The following ADGRA3 variants were observed in gnomAD, a reference collection of about 807,000 sequenced individuals.
ADGRA3 encodes adhesion G protein-coupled receptor A3, also known as G-protein coupled receptor 125.
ADGRA3 carries 56 observed loss-of-function variants against 119.8 expected under a neutral mutation model. The observed-to-expected ratio is 0.47, with a 90% CI of 0.38 to 0.58. ADGRA3 has a LOEUF of 0.58. Ranked by LOEUF, ADGRA3 falls within the 20% of genes least tolerant of loss-of-function variation. The probability of loss-of-function intolerance (pLI) is 0.00; values close to 1 mark genes in which losing one functional copy is unlikely to be tolerated. For missense variants in ADGRA3, 1,516 were observed against 1,649.0 expected, an observed-to-expected ratio of 0.92 and a Z score of 1.40; for synonymous variants, 607 against 623.8, an observed-to-expected ratio of 0.97 and a Z score of 0.40.
At chr4:22,451,774 A>G (rs975187798) in intron 4 of ADGRA3, among the ~76,000 whole-genome samples, 1 of 152,034 alleles carries the variant, frequency 6.6e-6, no homozygotes, top group Non-Finnish European at 1.5e-5. Flanking sequence ...CGGCTAGAAC[A>G]GTGATCCACT....
At chr4:22,497,767 A>G (rs1442849837) in intron 1 of ADGRA3, among the ~76,000 whole-genome samples, 1 of 150,962 alleles carries the variant, frequency 6.6e-6, no homozygotes, top group African/African-American at 2.4e-5. Flanking sequence ...CTCAAAAAAA[A>G]AAAAAAAAAA....
Position 22,432,920 on chromosome 4 carries a change from T to C in ADGRA3, c.1443+2391A>G, listed in dbSNP as rs1476732769. On this transcript the variant is annotated intron_variant, in intron 10 of 18. Transcript: ENST00000334304. ...AGACATAATACAAAAATCAATTTAA[T>C]TAATTATTTCTCTATCTAAGCTAGG... is the stretch of plus-strand genomic sequence containing the variant. Among the ~76,000 whole-genome samples the C allele has an allele frequency of 2.0e-5, 3 of 152,180 alleles. No individual in the cohort carries two copies. In the East Asian group the frequency reaches 5.8e-4, roughly 29 times the overall value.
Position 22,423,647 on chromosome 4 carries a change from G to A in ADGRA3, c.1605+544C>T, listed in dbSNP as rs547146770. ...TTATTAATAAGTCATTATCCCAAGA[G>A]TGGGATTGACTGAAAATGCCAATAG... On this transcript the variant is annotated intron_variant, in intron 11 of 18. Transcript: ENST00000334304. Among the ~76,000 whole-genome samples the A allele has an allele frequency of 4.6e-5, 7 of 152,318 alleles. No individual in the cohort carries two copies. The East Asian group carries it at 7.7e-4, about 17-fold the overall frequency.
chr4:22,513,844 G>T (rs1245637135), intron 1 of ADGRA3, among the ~76,000 whole-genome samples: 1 of 25,700 alleles, frequency 3.9e-5, no homozygotes. Flanking sequence ...AAGCTTTCAG[G>T]CAAAAAAAAA....
intron 1 of ADGRA3, among the ~76,000 whole-genome samples, chr4:22,489,588 C>T (rs1156930319): frequency 6.6e-6 from 1 of 152,040 alleles, no homozygotes; most frequent in African/African-American, 2.4e-5. Flanking sequence ...AACTACAAGC[C>T]AGGGAAACTG....
intron 1 of ADGRA3, among the ~76,000 whole-genome samples, chr4:22,480,138 G>A (rs1464494611): frequency 6.6e-6 from 1 of 152,106 alleles, no homozygotes; most frequent in East Asian, 1.9e-4. Flanking sequence ...AGCACTTAAA[G>A]TATTTAAAAA....
intron 4 of ADGRA3, among the ~76,000 whole-genome samples, chr4:22,448,578 G>A (rs992793102): frequency 6.6e-6 from 1 of 152,128 alleles, no homozygotes; most frequent in Non-Finnish European, 1.5e-5. Context: ...AGTGACCATT[G>A]GGCAGATGCA....
At chr4:22,491,827 G>C (rs557950620) in intron 1 of ADGRA3, among the ~76,000 whole-genome samples, 1 of 152,156 alleles carries the variant, frequency 6.6e-6, no homozygotes, top group Non-Finnish European at 1.5e-5. Flanking sequence ...CTTAAACAAA[G>C]TCTTCCTTAC....
At position 22,515,685 on chromosome 4, in the gene ADGRA3, C is replaced by T; in HGVS notation, c.100G>A (p.Gly34Ser). The stretch of plus-strand genomic sequence containing the variant: ...CCGGCGGGCAGCGCCGCGGCGCCGC[C>T]GCCGCCGCCGCCTCCCAGCAGCGCG... ...LLALLGGGGG[G>S]GAAALPAGCK... The change falls in exon 1 of 19, where the codon GGC becomes AGC. Residue 34 changes from glycine (G) to serine (S), a missense_variant. By Grantham distance (56) the Gly-to-Ser change is moderately conservative (BLOSUM62 0). This residue lies in a region of ADGRA3 where 428 missense variants were observed against 541.9 expected (regional missense o/e 0.79). Transcript: ENST00000334304. The T allele has an allele frequency of 5.4e-6, 6 of 1,105,620 alleles. No homozygotes were observed. Among genetic ancestry groups the T allele is most frequent in the Non-Finnish European group, 6.6e-6 (6 of 910,766 alleles). 68.5% of individuals were successfully genotyped at this position (1,105,620 alleles called of 1,614,324 possible). A position where few individuals can be genotyped will look rare whatever the true frequency, so the allele number is the denominator to read the frequency against.
intron 1 of ADGRA3, among the ~76,000 whole-genome samples, chr4:22,497,448 T>C (rs1349374194): frequency 1.3e-5 from 2 of 151,032 alleles, no homozygotes; most frequent in Non-Finnish European, 2.9e-5. Context: ...ACTCACGGAG[T>C]TGGGGTTTAA....
intron 2 of ADGRA3, among the ~76,000 whole-genome samples, chr4:22,462,640 G>A (rs543359971): frequency 2.6e-5 from 4 of 152,096 alleles, no homozygotes; most frequent in Non-Finnish European, 2.9e-5. Flanking sequence ...TATGAGGTGA[G>A]GATATAAAAT....
chr4:22,399,660 T>C (rs1714529406), intron 16 of ADGRA3, among the ~76,000 whole-genome samples: 1 of 152,144 alleles, frequency 6.6e-6, no homozygotes, highest in Non-Finnish European at 1.5e-5. Flanking sequence ...GCCTCTGGAC[T>C]CTCCATTCTA....
chr4:22,420,648 T>C (rs1715621039), intron 12 of ADGRA3: 1 of 564,610 alleles, frequency 1.8e-6, no homozygotes, highest in South Asian at 2.5e-5. Context: ...AGTTATAAAA[T>C]GTAATTTCTG....
intron 16 of ADGRA3, among the ~76,000 whole-genome samples, chr4:22,399,477 T>C (rs1714518309): frequency 6.6e-6 from 1 of 151,342 alleles, no homozygotes; most frequent in East Asian, 2.0e-4. Context: ...TGTAAGTCTT[T>C]AAACCACCTA....
At chr4:22,450,544 C>T (rs1467369062) in intron 4 of ADGRA3, among the ~76,000 whole-genome samples, 2 of 152,118 alleles carry the variant, frequency 1.3e-5, no homozygotes, top group African/African-American at 4.8e-5. Context: ...GGATTACGGG[C>T]GTGAGCCACT....
rs567854506 is a variant in ADGRA3, at chr4:22,390,153, T to G, written c.2628-970A>C. Among the ~76,000 whole-genome samples the G allele has an allele frequency of 8.2e-4, 125 of 151,896 alleles. 1 individual carries two copies. The highest frequency in any genetic ancestry group is 1.5e-3 in the Non-Finnish European group (100 of 67,970). ...TCTTCCTGCTGTACTAATTCACATC[T>G]GCTTCTTACCTGAAAAGAAAGTATT... On this transcript the variant is annotated intron_variant, in intron 17 of 18. Transcript: ENST00000334304.
chr4:22,489,117 T>A (rs1310254507), intron 1 of ADGRA3, among the ~76,000 whole-genome samples: 1 of 152,118 alleles, frequency 6.6e-6, no homozygotes, highest in Non-Finnish European at 1.5e-5. Context: ...GGAGGCCTCA[T>A]AATCATGGTG....
chr4:22,418,460 TG>T (rs1715516021), intron 12 of ADGRA3, among the ~76,000 whole-genome samples: 2 of 152,068 alleles, frequency 1.3e-5, no homozygotes. Flanking sequence ...ACCAAGGAGC[TG>T]GGAAGGGAGG....
At chr4:22,398,490 C>T (rs1714465648) in intron 16 of ADGRA3, among the ~76,000 whole-genome samples, 1 of 152,070 alleles carries the variant, frequency 6.6e-6, no homozygotes, top group South Asian at 2.1e-4. Context: ...CATATGACCC[C>T]CTCATCACAG....
Sources: allele counts gnomAD v4.1 joint callset (sites outside exome capture counted in the v4.1 genomes callset), GRCh38; gene constraint gnomAD v4.1.1; regional missense constraint gnomAD v4.1.1; transcripts MANE v1.5; gene names NCBI Gene and HGNC (gene_info 2026-07-23, HGNC 2026-07-21).